Variants in RASSF3 observed in about 807,000 individuals in gnomAD.
The protein encoded by RASSF3 is Ras association domain family member 3.
A neutral mutation model predicts 19.9 loss-of-function variants in RASSF3; 19 were observed. The observed-to-expected ratio is 0.96, with a 90% CI of 0.67 to 1.40. RASSF3 has a LOEUF of 1.40. RASSF3 is among the 40% of genes most tolerant of loss of function. The pLI, the probability that RASSF3 is intolerant of heterozygous loss-of-function variation, is 0.00. For synonymous variants in RASSF3, 110 were observed against 104.2 expected (o/e 1.06, Z -0.34); for missense variants, 306 against 289.8 (o/e 1.06, Z -0.41).
intron 1 of RASSF3, chr12:64,507,406 C>G: frequency 5.0e-6 from 2 of 397,590 alleles, no homozygotes; most frequent in Non-Finnish European, 8.9e-6. Context: ...AATGGAGCCT[C>G]CCTCGCATGG....
At chr12:64,528,302 T>C (rs1382322772), upstream of RASSF3, among the ~76,000 whole-genome samples, 1 of 152,138 alleles carries the variant, frequency 6.6e-6, no homozygotes, top group Non-Finnish European at 1.5e-5. Context: ...AAGAAATCGA[T>C]ACATAACTAC....
At position 64,639,542 on chromosome 12, in the gene RASSF3, A is replaced by C. The variant is rs114335553; in HGVS notation, c.111+28799A>C. On this transcript the variant is annotated intron_variant, in intron 1 of 4. Transcript: ENST00000542104. ...TCAAAGTGATCAAGTAGAAAGGATC[A>C]GGTGCCTTAATTACGAAGAATGGCA... Among the ~76,000 whole-genome samples, 509 of 152,314 alleles carry C rather than the reference A, an allele frequency of 3.3e-3. 5 individuals are homozygous for C. The highest frequency in any genetic ancestry group is 0.012 in the African/African-American group (490 of 41,564).
At chr12:64,688,846 G>T (rs940667617) in intron 3 of RASSF3, among the ~76,000 whole-genome samples, 1 of 152,182 alleles carries the variant, frequency 6.6e-6, no homozygotes, top group Admixed American at 6.5e-5. Context: ...GCATCAGTAC[G>T]TGGAGTGGTT....
chr12:64,553,976 C>CAAAAAAAAAAAAA (rs1021865573), intron 2 of RASSF3, among the ~76,000 whole-genome samples: 1 of 83,492 alleles, frequency 1.2e-5, no homozygotes, highest in African/African-American at 3.9e-5. Context: ...GATCCTGTCT[C>CAAAAAAAAAAAAA]AAAAAAAAAA....
At chr12:64,560,775 T>G (rs1869333102) in intron 2 of RASSF3, among the ~76,000 whole-genome samples, 1 of 152,142 alleles carries the variant, frequency 6.6e-6, no homozygotes, top group South Asian at 2.1e-4. Context: ...CCTTAGGGAA[T>G]ACTTGTGCGG....
intron 1 of RASSF3, among the ~76,000 whole-genome samples, chr12:64,617,166 C>T (rs565977784): frequency 6.9e-4 from 105 of 152,236 alleles, no homozygotes; most frequent in African/African-American, 2.4e-3. Context: ...CCAAACTAGA[C>T]CATAAGCCTT....
intron 1 of RASSF3, among the ~76,000 whole-genome samples, chr12:64,669,890 CAA>C (rs35671310): frequency 0.43 from 45,924 of 106,176 alleles, 7,759 homozygotes; most frequent in Non-Finnish European, 0.51. Flanking sequence ...TGTAAATTAC[CAA>C]AAAAAAAAAA....
chr12:64,581,104 C>T (rs951612049), intron 2 of RASSF3, among the ~76,000 whole-genome samples: 2 of 148,410 alleles, frequency 1.3e-5, no homozygotes, highest in African/African-American at 5.1e-5. Context: ...TTTAACATTA[C>T]TGTGGTAAAA....
At chr12:64,609,140 C>T (rs907824271), upstream of RASSF3, among the ~76,000 whole-genome samples, 1 of 152,116 alleles carries the variant, frequency 6.6e-6, no homozygotes, top group Non-Finnish European at 1.5e-5. Context: ...CCCGTCATTT[C>T]GGGTCCAACT....
At chr12:64,560,407 C>A (rs1869327977) in intron 2 of RASSF3, among the ~76,000 whole-genome samples, 1 of 152,152 alleles carries the variant, frequency 6.6e-6, no homozygotes, top group South Asian at 2.1e-4. Context: ...GGTGGGATGT[C>A]AATACAACTT....
At chr12:64,612,479 CTTTTTT>C (rs369436937) in intron 1 of RASSF3, among the ~76,000 whole-genome samples, 4 of 119,398 alleles carry the variant, frequency 3.4e-5, no homozygotes, top group Admixed American at 9.4e-5. Context: ...TTTAGCGTTT[CTTTTTT>C]TTTTTTTTTT....
intron 2 of RASSF3, among the ~76,000 whole-genome samples, chr12:64,570,486 C>T (rs977540134): frequency 6.6e-6 from 1 of 152,168 alleles, no homozygotes; most frequent in Non-Finnish European, 1.5e-5. Flanking sequence ...CTCCCTGTGA[C>T]CACGCAATTT....
chr12:64,670,047 A>C (rs1244961603), intron 1 of RASSF3, among the ~76,000 whole-genome samples: 1 of 149,354 alleles, frequency 6.7e-6, no homozygotes, highest in Non-Finnish European at 1.5e-5. Context: ...TTTTTAATGG[A>C]TAGAGAAGCT....
At chr12:64,535,948 A>T (rs938730943) in intron 1 of RASSF3, among the ~76,000 whole-genome samples, 3 of 150,810 alleles carry the variant, frequency 2.0e-5, no homozygotes, top group African/African-American at 7.3e-5. Context: ...TGGCCTCCTA[A>T]AGTGCTGGGA....
rs1031063438 is a variant in RASSF3, at chr12:64,688,119, A to G, written c.220-97A>G. Reference sequence around the variant, plus strand: ...GCCACAAACCTCAAGAGAAGAGAACAAAGGAGTGTTTCACCTTCCCGTTTT... The same window carrying G: ...GCCACAAACCTCAAGAGAAGAGAACGAAGGAGTGTTTCACCTTCCCGTTTT... On this transcript the variant is annotated intron_variant, in intron 2 of 4. Transcript: ENST00000542104. 7 of 837,340 alleles carry G rather than the reference A, an allele frequency of 8.4e-6. No homozygotes were observed. The Admixed American group carries it at 1.3e-4, about 15-fold the overall frequency. 51.9% of individuals were successfully genotyped at this position (837,340 alleles called of 1,614,324 possible).
At chr12:64,638,945 T>C (rs1042700943) in intron 1 of RASSF3, among the ~76,000 whole-genome samples, 2 of 152,206 alleles carry the variant, frequency 1.3e-5, no homozygotes, top group Non-Finnish European at 2.9e-5. Context: ...TGAATGATAC[T>C]GCAATAAACA....
intron 1 of RASSF3, among the ~76,000 whole-genome samples, chr12:64,668,948 T>G (rs1404250354): frequency 2.6e-5 from 4 of 152,044 alleles, no homozygotes; most frequent in African/African-American, 9.7e-5. Flanking sequence ...GGATTACAGG[T>G]GTGAGCTACC....
At chr12:64,575,170 A>G (rs1869575752) in intron 2 of RASSF3, among the ~76,000 whole-genome samples, 1 of 152,252 alleles carries the variant, frequency 6.6e-6, no homozygotes, top group African/African-American at 2.4e-5. Context: ...TTGGAATTTT[A>G]TCTAGGTCAC....
At chr12:64,546,727 G>A (rs1270020960) in intron 2 of RASSF3, among the ~76,000 whole-genome samples, 1 of 152,124 alleles carries the variant, frequency 6.6e-6, no homozygotes, top group African/African-American at 2.4e-5. Context: ...AATATCTCAA[G>A]ACCCAGGATT....
Sources: allele counts gnomAD v4.1 joint callset (sites outside exome capture counted in the v4.1 genomes callset), GRCh38; gene constraint gnomAD v4.1.1; transcripts MANE v1.5; gene names NCBI Gene and HGNC (gene_info 2026-07-23, HGNC 2026-07-21).